The following CPQ variants were observed in gnomAD, a reference collection of about 807,000 sequenced individuals.
CPQ encodes the protein carboxypeptidase Q, also known as Ser-Met dipeptidase.
Under a neutral mutation model 45.7 loss-of-function variants are expected in CPQ, and 37 were observed. The observed-to-expected ratio is 0.81, with a 90% confidence interval of 0.62 to 1.07. The LOEUF is 1.07. Among genes scored for constraint, CPQ ranks in the 50% least tolerant of loss-of-function variants. The pLI, the probability that CPQ is intolerant of heterozygous loss-of-function variation, is 0.00. For missense variants in CPQ, 537 were observed against 572.9 expected, an observed-to-expected ratio of 0.94 and a Z score of 0.64; for synonymous variants, 186 against 205.8, an observed-to-expected ratio of 0.90 and a Z score of 0.82.
chr8:97,126,650 G>A (rs1811852055), intron 7 of CPQ, among the ~76,000 whole-genome samples: 1 of 151,780 alleles, frequency 6.6e-6, no homozygotes, highest in African/African-American at 2.4e-5. Context: ...TAACATCAAA[G>A]AACATGAAAT....
chr8:96,830,227 A>G (rs1331751534), intron 2 of CPQ, among the ~76,000 whole-genome samples: 1 of 152,184 alleles, frequency 6.6e-6, no homozygotes, highest in East Asian at 1.9e-4. Context: ...AACATACCAC[A>G]TTAAAATAAG....
chr8:97,104,238 C>T (rs978137332), intron 7 of CPQ, among the ~76,000 whole-genome samples: 2 of 152,094 alleles, frequency 1.3e-5, no homozygotes, highest in African/African-American at 2.4e-5. Context: ...TGTGCCCAGT[C>T]GTTTTTTAAT....
intron 1 of CPQ, among the ~76,000 whole-genome samples, chr8:96,688,602 C>T (rs1248298173): frequency 2.0e-5 from 3 of 152,124 alleles, no homozygotes; most frequent in Non-Finnish European, 4.4e-5. Flanking sequence ...CTCTCTATTT[C>T]CTACTATTAG....
intron 1 of CPQ, among the ~76,000 whole-genome samples, chr8:96,654,636 G>A (rs1815617021): frequency 6.6e-6 from 1 of 152,136 alleles, no homozygotes; most frequent in Non-Finnish European, 1.5e-5. Context: ...AGGTGGCCAG[G>A]GGCATTGTCT....
At chr8:96,744,854 A>G (rs1810153860) in intron 1 of CPQ, among the ~76,000 whole-genome samples, 1 of 152,134 alleles carries the variant, frequency 6.6e-6, no homozygotes, top group African/African-American at 2.4e-5. Flanking sequence ...CTATCATCTT[A>G]TAATGGTTTG....
At chr8:97,000,212 C>A (rs74490418) in intron 5 of CPQ, among the ~76,000 whole-genome samples, 81 of 152,134 alleles carry the variant, frequency 5.3e-4, no homozygotes, top group African/African-American at 1.8e-3. Flanking sequence ...TTGATAGTTT[C>A]TTTGGCTGTG....
chr8:96,681,393 T>G (rs560629240), intron 1 of CPQ, among the ~76,000 whole-genome samples: 2 of 152,214 alleles, frequency 1.3e-5, no homozygotes, highest in South Asian at 4.1e-4. Flanking sequence ...CTTGGGCTGT[T>G]GCTTCGCAGG....
At chr8:96,740,865 T>C (rs1281878782) in intron 1 of CPQ, among the ~76,000 whole-genome samples, 9 of 152,062 alleles carry the variant, frequency 5.9e-5, no homozygotes, top group South Asian at 2.1e-4. Flanking sequence ...TTCGGTTTGC[T>C]AGTATTTTAT....
intron 3 of CPQ, among the ~76,000 whole-genome samples, chr8:96,858,205 A>G (rs1586428601): frequency 6.6e-6 from 1 of 152,096 alleles, no homozygotes; most frequent in Admixed American, 6.5e-5. Flanking sequence ...GGAGAAGGAG[A>G]TATTAATACT....
chr8:96,669,598 G>C (rs1158638983), intron 1 of CPQ, among the ~76,000 whole-genome samples: 1 of 152,106 alleles, frequency 6.6e-6, no homozygotes, highest in Non-Finnish European at 1.5e-5. Flanking sequence ...ACAAAAAACA[G>C]AGAAGAAAAA....
At chr8:96,763,426 T>C (rs1176982089) in intron 1 of CPQ, among the ~76,000 whole-genome samples, 2 of 152,196 alleles carry the variant, frequency 1.3e-5, no homozygotes, top group African/African-American at 4.8e-5. Flanking sequence ...CTGCACTCCC[T>C]GTTTCGTTCC....
At chr8:96,719,231 G>A (rs962401839) in intron 1 of CPQ, among the ~76,000 whole-genome samples, 36 of 152,356 alleles carry the variant, frequency 2.4e-4, no homozygotes, top group African/African-American at 7.7e-4. Flanking sequence ...GCCCTGCCCC[G>A]CAGGAAGGCA....
At chr8:96,698,694 A>C (rs747610339) in intron 1 of CPQ, among the ~76,000 whole-genome samples, 1 of 152,068 alleles carries the variant, frequency 6.6e-6, no homozygotes, top group Non-Finnish European at 1.5e-5. Flanking sequence ...AGATGAATAG[A>C]TATTTCTCAA....
chr8:96,748,139 T>A (rs976211402), intron 1 of CPQ, among the ~76,000 whole-genome samples: 1 of 152,218 alleles, frequency 6.6e-6, no homozygotes, highest in Non-Finnish European at 1.5e-5. Context: ...CTTTTGTGCA[T>A]TACTACAGTA....
At chr8:96,944,574 A>T (rs573221479) in intron 4 of CPQ, among the ~76,000 whole-genome samples, 2 of 152,130 alleles carry the variant, frequency 1.3e-5, no homozygotes, top group Non-Finnish European at 2.9e-5. Context: ...TCATATGTCA[A>T]CCAGCTTTAA....
intron 6 of CPQ, among the ~76,000 whole-genome samples, chr8:97,063,981 G>C (rs761394781): frequency 2.0e-5 from 3 of 152,090 alleles, no homozygotes; most frequent in Non-Finnish European, 4.4e-5. Context: ...ATTTAAAATA[G>C]TTTTTCTAGT....
At chr8:97,091,127 C>T (rs1018883960) in intron 7 of CPQ, among the ~76,000 whole-genome samples, 2 of 152,126 alleles carry the variant, frequency 1.3e-5, no homozygotes, top group Admixed American at 6.6e-5. Context: ...AAGAAAGTGG[C>T]GTTCGCTCTA....
rs200434825 is a variant in CPQ at position 96,742,629 on chromosome 8, A to G, written c.-34-42235A>G. On this transcript the variant is annotated intron_variant, in intron 1 of 7. Transcript: ENST00000220763. ...TGGCTGGTACCGGTTGTTCCTTTCC[A>G]TATTTAGCACTTCCTTCAGGAGCTC... Among the ~76,000 whole-genome samples, 83 of 152,032 alleles carry G rather than the reference A, an allele frequency of 5.5e-4. 1 individual carries two copies. The highest frequency in any genetic ancestry group is 2.0e-3 in the African/African-American group (83 of 41,456).
At chr8:96,985,512 CT>C (rs1808949131) in intron 5 of CPQ, among the ~76,000 whole-genome samples, 1 of 151,964 alleles carries the variant, frequency 6.6e-6, no homozygotes, top group Non-Finnish European at 1.5e-5. Flanking sequence ...CTATTTAATC[CT>C]TCCATTTAGT....
Sources: gnomAD v4.1 joint callset for allele counts (sites outside exome capture counted in the v4.1 genomes callset) on GRCh38, gnomAD v4.1.1 for gene constraint, MANE v1.5 for transcripts, NCBI Gene and HGNC (gene_info 2026-07-23, HGNC 2026-07-21) for gene names.